HTR4: variants seen among roughly 807,000 people sequenced by gnomAD.
The protein encoded by HTR4 is 5-hydroxytryptamine receptor 4.
A neutral mutation model predicts 36.8 loss-of-function variants in HTR4; 16 were observed. The observed-to-expected ratio is 0.43, with a 90% CI of 0.29 to 0.66. The LOEUF is 0.66. Among genes scored for constraint, HTR4 ranks in the 30% least tolerant of loss-of-function variants. The pLI is 0.13. For synonymous variants in HTR4, 189 were observed against 185.1 expected (o/e 1.02, Z -0.17); for missense variants, 438 against 490.9 (o/e 0.89, Z 1.02).
At position 148,550,117 on chromosome 5, in the gene HTR4, G is replaced by A. The variant is rs78730147; in HGVS notation, c.152+20C>T. Reference sequence around the variant, plus strand: ...TCAGAACTCCCATGTTTCCTCAAAAGGTTCCCTCCTGCTGCTCACCTGAGC... The same window carrying A: ...TCAGAACTCCCATGTTTCCTCAAAAAGTTCCCTCCTGCTGCTCACCTGAGC... On this transcript the variant is annotated intron_variant, in intron 3 of 6. Coordinates refer to ENST00000377888, the MANE Select transcript of HTR4 (RefSeq NM_000870.7). The A allele has an allele frequency of 1.5e-3, 2,484 of 1,613,486 alleles. 26 individuals carry two copies. The African/African-American group carries it at 0.029, about 19-fold the overall frequency.
At chr5:148,602,636 T>C (rs186075083) in intron 2 of HTR4, among the ~76,000 whole-genome samples, 2 of 151,684 alleles carry the variant, frequency 1.3e-5, no homozygotes, top group African/African-American at 4.8e-5. Context: ...ATGAAGGAAA[T>C]AGAAAAGGCT....
rs750941627 is a variant in HTR4 at position 148,509,989 on chromosome 5, A to G, written c.543T>C (p.Ser181=). 14 of 1,613,538 alleles carry G rather than the reference A, an allele frequency of 8.7e-6. No homozygotes were observed. Among genetic ancestry groups the G allele is most frequent in the Admixed American group, 5.0e-5 (3 of 59,952 alleles). ...EKRKFNQNSN[S]TYCVFMVNKP... ...TGTTGACCATGAAGACACAGTACGTAGAGTTAGAGTTCTGGTTGAACTTCC... is the reference window on the plus strand; with the variant it reads ...TGTTGACCATGAAGACACAGTACGTGGAGTTAGAGTTCTGGTTGAACTTCC... Residue 181 remains serine, a synonymous_variant, in exon 6 of 7, where the codon TCT becomes TCC. Transcript: ENST00000377888.
At chr5:148,534,973 G>T (rs964974540) in intron 4 of HTR4, among the ~76,000 whole-genome samples, 2 of 152,056 alleles carry the variant, frequency 1.3e-5, no homozygotes, top group South Asian at 2.1e-4. Flanking sequence ...AAGTGGGAGA[G>T]GAACCCACAC....
At chr5:148,510,753 C>T (rs149245815) in intron 5 of HTR4, among the ~76,000 whole-genome samples, 7 of 152,336 alleles carry the variant, frequency 4.6e-5, no homozygotes, top group Non-Finnish European at 7.3e-5. Flanking sequence ...CATTTCTCTA[C>T]GTATTGAGTT....
At chr5:148,521,600 T>C (rs1175632045) in intron 5 of HTR4, among the ~76,000 whole-genome samples, 1 of 151,938 alleles carries the variant, frequency 6.6e-6, no homozygotes, top group Non-Finnish European at 1.5e-5. Context: ...TAAACATCCA[T>C]AATCACATGA....
At chr5:148,633,143 A>G (rs188714036) in intron 2 of HTR4, among the ~76,000 whole-genome samples, 4 of 152,236 alleles carry the variant, frequency 2.6e-5, no homozygotes, top group African/African-American at 9.6e-5. Context: ...ACTATTTACC[A>G]AGGGACAGGA....
chr5:148,481,887 G>A lies in HTR4; in HGVS notation c.*1316C>T, dbSNP rs946098214. 8.4e-7 allele frequency: 1 copy of A among 1,186,292 alleles called. No individual in the cohort carries two copies. Among genetic ancestry groups the A allele is most frequent in the Non-Finnish European group, 1.0e-6 (1 of 960,432 alleles). 73.5% of individuals were successfully genotyped at this position (1,186,292 alleles called of 1,614,324 possible). Reference sequence around the variant, plus strand: ...GCTGGAAAGGTCAGGGGTCTAAAAGGCCCAAATGAGGAGGGTCGTTCCTTT... The same window carrying A: ...GCTGGAAAGGTCAGGGGTCTAAAAGACCCAAATGAGGAGGGTCGTTCCTTT... On this transcript the variant is annotated 3_prime_UTR_variant, in exon 7 of 7. Coordinates refer to ENST00000377888, the MANE Select transcript of HTR4 (RefSeq NM_000870.7).
downstream of HTR4, among the ~76,000 whole-genome samples, chr5:148,472,776 G>A (rs1429935150): frequency 6.6e-6 from 1 of 152,188 alleles, no homozygotes; most frequent in African/African-American, 2.4e-5. Context: ...GGAAGTGGGA[G>A]TTGGCCCAGT....
At chr5:148,586,722 A>G (rs1761363255) in intron 2 of HTR4, among the ~76,000 whole-genome samples, 2 of 152,202 alleles carry the variant, frequency 1.3e-5, no homozygotes, top group Non-Finnish European at 2.9e-5. Flanking sequence ...CTTGAGATCT[A>G]ATTGACTGAA....
chr5:148,497,006 A>G (rs1416931820), intron 6 of HTR4, among the ~76,000 whole-genome samples: 2 of 152,154 alleles, frequency 1.3e-5, no homozygotes, highest in Non-Finnish European at 2.9e-5. Context: ...CTATAACCTC[A>G]AAAGGAAAAT....
intron 3 of HTR4, 121 bp downstream of exon 3, chr5:148,550,016 G>T: frequency 1.0e-6 from 1 of 996,700 alleles, no homozygotes. Flanking sequence ...TTTTTAAAAT[G>T]TTGTTCCCAT....
intron 2 of HTR4, among the ~76,000 whole-genome samples, chr5:148,553,259 C>G (rs1363545): frequency 0.64 from 97,638 of 151,930 alleles, 33,659 homozygotes; most frequent in African/African-American, 0.91. Flanking sequence ...TGGCCTGTGG[C>G]GGATTGCAGA....
intron 2 of HTR4, among the ~76,000 whole-genome samples, chr5:148,581,178 T>G (rs1581504590): frequency 1.3e-5 from 2 of 152,086 alleles, no homozygotes; most frequent in East Asian, 3.9e-4. Context: ...CTTTTCTCCA[T>G]TTTTAAATCA....
intron 4 of HTR4, among the ~76,000 whole-genome samples, chr5:148,525,640 G>A (rs1364425863): frequency 4.6e-5 from 7 of 152,090 alleles, no homozygotes; most frequent in Non-Finnish European, 8.8e-5. Context: ...CTGCTCCTTG[G>A]ATCTTTTGCA....
At chr5:148,514,010 C>A (rs755376034) in intron 5 of HTR4, among the ~76,000 whole-genome samples, 1 of 152,128 alleles carries the variant, frequency 6.6e-6, no homozygotes, top group African/African-American at 2.4e-5. Flanking sequence ...TTCATCTTTA[C>A]ATTCTTTTGA....
Position 148,483,291 on chromosome 5 carries a change from T to A in HTR4, c.1079A>T (p.Asp360Val). Residue 360 changes from aspartate (D) to valine (V), a missense_variant and splice_region_variant, in exon 7 of 7, where the codon GAT becomes GTT. Transcript: ENST00000377888. ...CCACTGGCCACCACACTCCACTGCA[T>A]CCCTAGAGAGAGGAGAAGATTACAG... is the stretch of plus-strand genomic sequence containing the variant. ...TINGSTHVLRDAVECGGQWES... is the reference protein window; with the variant it reads ...TINGSTHVLRVAVECGGQWES... The A allele has an allele frequency of 1.2e-6, 2 of 1,612,290 alleles. No individual in the cohort carries two copies. The highest frequency in any genetic ancestry group is 1.7e-6 in the Non-Finnish European group (2 of 1,179,132).
Position 148,550,189 on chromosome 5 carries a change from T to C in HTR4, c.100A>G (p.Ile34Val). The change falls in exon 3 of 7, where the codon ATC (isoleucine) becomes GTC (valine). Residue 34 changes from isoleucine (I) to valine (V), a missense_variant. By Grantham distance (29) the Ile-to-Val change is conservative (BLOSUM62 3). Coordinates refer to ENST00000377888, the MANE Select transcript of HTR4 (RefSeq NM_000870.7). ...ACCATCACCAGCAGGTTCCCCAAGA[T>C]GGCCATCAGGATAACCGTCGAGAGA... ...TFLSTVILMA[I>V]LGNLLVMVAV... The C allele has an allele frequency of 1.2e-6, 2 of 1,614,114 alleles. No homozygotes were observed. Among genetic ancestry groups the C allele is most frequent in the Non-Finnish European group, 8.5e-7 (1 of 1,180,012 alleles).
chr5:148,451,552 C>T (rs778672638), intron 5 of HTR4, among the ~76,000 whole-genome samples: 1 of 152,100 alleles, frequency 6.6e-6, no homozygotes, highest in Non-Finnish European at 1.5e-5. Context: ...ACCCAGATTT[C>T]TTACTGCCAA....
At chr5:148,541,506 A>G (rs1482558033) in intron 4 of HTR4, among the ~76,000 whole-genome samples, 4 of 152,204 alleles carry the variant, frequency 2.6e-5, no homozygotes, top group African/African-American at 9.6e-5. Flanking sequence ...TCAATACTCC[A>G]TGGGAGCTCA....
Sources: gnomAD v4.1 joint callset for allele counts (sites outside exome capture counted in the v4.1 genomes callset) on GRCh38, gnomAD v4.1.1 for gene constraint, MANE v1.5 for transcripts, NCBI Gene and HGNC (gene_info 2026-07-23, HGNC 2026-07-21) for gene names.